METTL8: variants seen among roughly 807,000 people sequenced by gnomAD.
METTL8 encodes tRNA N(3)-cytidine methyltransferase METTL8, mitochondrial.
In METTL8, 32 loss-of-function variants were observed where a neutral mutation model predicts 48.7. The ratio of observed to expected loss-of-function variants is 0.66; its 90% confidence interval spans 0.50 to 0.88. The LOEUF (loss-of-function observed/expected upper bound fraction) is 0.88. Ranked by LOEUF, METTL8 falls within the 40% of genes least tolerant of loss-of-function variation. METTL8 has a pLI of 0.00. For missense variants in METTL8, 464 were observed against 474.4 expected (o/e 0.98, Z 0.20); for synonymous variants, 136 against 157.1 (o/e 0.87, Z 1.01).
chr2:171,376,274 A>C (rs1686952346), intron 2 of METTL8, among the ~76,000 whole-genome samples: 2 of 152,088 alleles, frequency 1.3e-5, no homozygotes, highest in South Asian at 4.2e-4. Context: ...TTTATCCTTC[A>C]AAGCTCAAGT....
intron 2 of METTL8, among the ~76,000 whole-genome samples, chr2:171,372,075 A>C (rs1195608718): frequency 6.6e-6 from 1 of 152,110 alleles, no homozygotes; most frequent in African/African-American, 2.4e-5. Context: ...GATGGAGGTC[A>C]CAGGTGCTGA....
At chr2:171,372,955 T>C (rs1038365746) in intron 2 of METTL8, among the ~76,000 whole-genome samples, 1 of 152,250 alleles carries the variant, frequency 6.6e-6, no homozygotes, top group Non-Finnish European at 1.5e-5. Flanking sequence ...CGTGTGCATG[T>C]GTCTTTATAG....
intron 1 of METTL8, among the ~76,000 whole-genome samples, chr2:171,396,155 A>T (rs1386540030): frequency 2.0e-5 from 3 of 151,920 alleles, no homozygotes; most frequent in Non-Finnish European, 2.9e-5. Flanking sequence ...GGGTGCCTAT[A>T]ATCAGCTGAG....
At chr2:171,370,122 GA>G (rs575606083) in intron 2 of METTL8, among the ~76,000 whole-genome samples, 56 of 151,236 alleles carry the variant, frequency 3.7e-4, no homozygotes, top group African/African-American at 1.3e-3. Flanking sequence ...AGGAACAGGG[GA>G]AAAAAAGGGC....
At chr2:171,359,173 C>CAAAA (rs57742852) in intron 3 of METTL8, among the ~76,000 whole-genome samples, 1 of 109,570 alleles carries the variant, frequency 9.1e-6, no homozygotes, top group Non-Finnish European at 1.8e-5. Context: ...GACCCTGTCT[C>CAAAA]AAAAAAAAAA....
At chr2:171,406,672 G>T (rs1165231427) in intron 1 of METTL8, among the ~76,000 whole-genome samples, 1 of 152,038 alleles carries the variant, frequency 6.6e-6, no homozygotes, top group Non-Finnish European at 1.5e-5. Flanking sequence ...CACATTGTGG[G>T]GTAGGCCTTC....
At position 171,399,736 on chromosome 2, in the gene METTL8, G is replaced by A. The variant is rs150595443; in HGVS notation, c.-12-7539C>T. The stretch of plus-strand genomic sequence containing the variant: ...GCACATGACAAAATACCTCTTAACT[G>A]CAAATTTTGCTTTTGGGGAGCAATA... On this transcript the variant is annotated intron_variant, in intron 1 of 9. Transcript: ENST00000375258. Among the ~76,000 whole-genome samples, 3 of 152,216 alleles carry A rather than the reference G, an allele frequency of 2.0e-5. No homozygotes were observed. In the East Asian group the frequency reaches 5.8e-4, roughly 29 times the overall value.
chr2:171,385,620 A>G (rs16859373), intron 2 of METTL8, among the ~76,000 whole-genome samples: 4,735 of 152,304 alleles, frequency 0.031, 80 homozygotes, highest in East Asian at 0.05. Context: ...AGTTCACCAC[A>G]GGTGTCGGGT....
At chr2:171,427,431 T>C (rs574728811) in intron 1 of METTL8, among the ~76,000 whole-genome samples, 1 of 152,302 alleles carries the variant, frequency 6.6e-6, no homozygotes, top group South Asian at 2.1e-4. Flanking sequence ...AAATCCAAAA[T>C]TCCTTACCAT....
chr2:171,398,497 T>C (rs555568377), intron 1 of METTL8, among the ~76,000 whole-genome samples: 6 of 151,666 alleles, frequency 4.0e-5, no homozygotes, highest in Non-Finnish European at 4.4e-5. Flanking sequence ...TTGGCAGAGG[T>C]TGGGGAAGGG....
At chr2:171,360,385 G>A in intron 3 of METTL8, 37 bp downstream of exon 3, 1 of 1,577,068 alleles carries the variant, frequency 6.3e-7, no homozygotes, top group East Asian at 2.2e-5. Context: ...AGTCACTAAA[G>A]CTCTGGCTCT....
At chr2:171,412,382 T>G (rs1326206380) in intron 1 of METTL8, among the ~76,000 whole-genome samples, 1 of 152,152 alleles carries the variant, frequency 6.6e-6, no homozygotes, top group African/African-American at 2.4e-5. Context: ...ATCCACAACT[T>G]CCCAGCCAGA....
rs545286918 is a variant in METTL8 at position 171,322,886 on chromosome 2, T to C, written c.*1286A>G. 3.3e-5 allele frequency: 5 copies of C among 152,296 alleles called. No homozygotes were observed. Among genetic ancestry groups the C allele is most frequent in the Non-Finnish European group, 7.3e-5 (5 of 68,082 alleles). 9.4% of individuals were successfully genotyped at this position (152,296 alleles called of 1,614,324 possible). On this transcript the variant is annotated 3_prime_UTR_variant, in exon 10 of 10. Coordinates refer to ENST00000375258, the MANE Select transcript of METTL8 (RefSeq NM_001321154.2). ...GGGGTGGATTATTCAGGCCTCCCCT[T>C]TGTAGACCATATGGGTAACTTCCTG... is the stretch of plus-strand genomic sequence containing the variant.
At chr2:171,354,679 A>T (rs968574350) in intron 3 of METTL8, among the ~76,000 whole-genome samples, 1 of 151,944 alleles carries the variant, frequency 6.6e-6, no homozygotes, top group African/African-American at 2.4e-5. Flanking sequence ...TTTTTCTCTA[A>T]ACTTCTCTTT....
chr2:171,427,818 C>A (rs891409043), intron 1 of METTL8, among the ~76,000 whole-genome samples: 2 of 152,146 alleles, frequency 1.3e-5, no homozygotes, highest in African/African-American at 4.8e-5. Flanking sequence ...CCTGTAGGGA[C>A]CCTGTCTATC....
chr2:171,428,266 T>C (rs1449118769), intron 1 of METTL8, among the ~76,000 whole-genome samples: 1 of 152,200 alleles, frequency 6.6e-6, no homozygotes. Context: ...TCTTAAGGAT[T>C]TAAGTTTTTT....
chr2:171,362,706 T>C (rs2105478202), intron 2 of METTL8, among the ~76,000 whole-genome samples: 1 of 152,244 alleles, frequency 6.6e-6, no homozygotes, highest in South Asian at 2.1e-4. Flanking sequence ...CTGAATCATG[T>C]ACAAGCCAAA....
chr2:171,324,122 T>C lies in METTL8; in HGVS notation c.*50A>G. On this transcript the variant is annotated 3_prime_UTR_variant, in exon 10 of 10. Coordinates refer to ENST00000375258, the MANE Select transcript of METTL8 (RefSeq NM_001321154.2). ...TTGAGAAACAATAGACTTACAGTAGTCCTTGAATAGCACAGTCCTCTGGCT... is the reference window on the plus strand; with the variant it reads ...TTGAGAAACAATAGACTTACAGTAGCCCTTGAATAGCACAGTCCTCTGGCT... 1.6e-6 allele frequency: 2 copies of C among 1,286,864 alleles called. No homozygotes were observed. Among genetic ancestry groups the C allele is most frequent in the East Asian group, 2.5e-5 (1 of 39,354 alleles). The allele number at this position is 1,286,864 out of a possible 1,614,324, so 79.7% of individuals were successfully genotyped here. A position where few individuals can be genotyped will look rare whatever the true frequency, so the allele number is the denominator to read the frequency against.
At chr2:171,398,119 T>C (rs533451098) in intron 1 of METTL8, among the ~76,000 whole-genome samples, 1 of 152,310 alleles carries the variant, frequency 6.6e-6, no homozygotes, top group Admixed American at 6.5e-5. Context: ...AATTACCATA[T>C]GATTCAGCAA....
Sources: gnomAD v4.1 joint callset for allele counts (sites outside exome capture counted in the v4.1 genomes callset) on GRCh38, gnomAD v4.1.1 for gene constraint, MANE v1.5 for transcripts, NCBI Gene and HGNC (gene_info 2026-07-23, HGNC 2026-07-21) for gene names.